OMA1: variants seen among roughly 807,000 people sequenced by gnomAD.
The protein encoded by OMA1 is OMA1 zinc metallopeptidase, also known as metalloendopeptidase OMA1, mitochondrial.
A neutral mutation model predicts 30.9 loss-of-function variants in OMA1; 38 were observed. That is an observed-to-expected ratio of 1.23 (90% CI 0.95 to 1.61). The LOEUF (loss-of-function observed/expected upper bound fraction) is 1.61. Among genes scored for constraint, OMA1 ranks in the 40% most tolerant of loss-of-function variants. The pLI, the probability that OMA1 is intolerant of heterozygous loss-of-function variation, is 0.00. For synonymous variants in OMA1, 173 were observed against 121.9 expected, an observed-to-expected ratio of 1.42 and a Z score of -2.76; for missense variants, 461 against 349.2, an observed-to-expected ratio of 1.32 and a Z score of -2.55.
chr1:58,506,962 T>C (rs1186459427), intron 7 of OMA1, among the ~76,000 whole-genome samples: 2 of 152,192 alleles, frequency 1.3e-5, no homozygotes, highest in East Asian at 1.9e-4. Context: ...TACACTCATA[T>C]ACATACTCAT....
intron 1 of OMA1, among the ~76,000 whole-genome samples, chr1:58,542,979 A>G (rs1166905506): frequency 2.5e-5 from 2 of 81,592 alleles, no homozygotes; most frequent in Non-Finnish European, 5.7e-5. Flanking sequence ...ACTACAAACA[A>G]AAAGCTTTTT....
intron 7 of OMA1, among the ~76,000 whole-genome samples, chr1:58,510,190 C>T (rs960406726): frequency 3.9e-5 from 6 of 152,046 alleles, no homozygotes; most frequent in East Asian, 1.9e-4. Context: ...AAAAAAATTA[C>T]GGGCCAATAT....
chr1:58,537,077 T>C (rs907974460), intron 2 of OMA1, among the ~76,000 whole-genome samples: 10 of 151,634 alleles, frequency 6.6e-5, no homozygotes, highest in African/African-American at 2.4e-4. Context: ...TCTCTCTCTC[T>C]CTCTCTCTGT....
chr1:58,510,218 A>T (rs527439129), intron 7 of OMA1, among the ~76,000 whole-genome samples: 89 of 152,194 alleles, frequency 5.8e-4, no homozygotes, highest in Non-Finnish European at 1.0e-3. Context: ...GAACATAAAT[A>T]CAAAAATTCT....
rs184730148 is a variant in OMA1 at position 58,519,741 on chromosome 1, T to A, written c.1215+7520A>T. On this transcript the variant is annotated intron_variant, in intron 7 of 8. Coordinates refer to ENST00000371226, the MANE Select transcript of OMA1 (RefSeq NM_145243.5). ...GAGATTAGAGTTAAGAAACATGAAT[T>A]TTTAAAAAAATATATGATTAACATA... Among the ~76,000 whole-genome samples, 870 of 152,040 alleles carry A rather than the reference T, an allele frequency of 5.7e-3. 5 individuals are homozygous for A. Among genetic ancestry groups the A allele is most frequent in the Non-Finnish European group, 8.5e-3 (581 of 67,974 alleles).
chr1:58,533,519 T>C (rs1646469020), intron 5 of OMA1, among the ~76,000 whole-genome samples: 1 of 152,196 alleles, frequency 6.6e-6, no homozygotes. Flanking sequence ...CACATCATTC[T>C]AGACATTTTC....
intron 7 of OMA1, among the ~76,000 whole-genome samples, chr1:58,522,902 G>A (rs1245842028): frequency 6.6e-6 from 1 of 152,216 alleles, no homozygotes; most frequent in East Asian, 1.9e-4. Context: ...AGAAGGAAGA[G>A]GAGAGTTGGT....
chr1:58,525,804 G>T (rs902196037), intron 7 of OMA1, among the ~76,000 whole-genome samples: 1 of 152,034 alleles, frequency 6.6e-6, no homozygotes, highest in Non-Finnish European at 1.5e-5. Context: ...GAAGCTTCAG[G>T]TATCAACACT....
rs574358182 is a variant in OMA1, at chr1:58,533,147, A to C, written c.1011+806T>G. 5.3e-5 allele frequency among the ~76,000 whole-genome samples: 8 copies of C among 152,328 alleles called. No homozygotes were observed. The South Asian group carries it at 1.7e-3, about 32-fold the overall frequency. On this transcript the variant is annotated intron_variant, in intron 5 of 8. Coordinates refer to ENST00000371226, the MANE Select transcript of OMA1 (RefSeq NM_145243.5). ...ACAATTTAAAAAATGTGTGAAACAGATGTGTTATTTTTCCTGGACTTATAT... is the reference window on the plus strand; with the variant it reads ...ACAATTTAAAAAATGTGTGAAACAGCTGTGTTATTTTTCCTGGACTTATAT...
chr1:58,517,812 A>C (rs1302918289), intron 7 of OMA1, among the ~76,000 whole-genome samples: 4 of 152,038 alleles, frequency 2.6e-5, no homozygotes, highest in Non-Finnish European at 4.4e-5. Context: ...GTCAATCCAA[A>C]GTAGGGGATT....
chr1:58,536,101 G>A (rs1034571319), intron 3 of OMA1, among the ~76,000 whole-genome samples: 1 of 152,098 alleles, frequency 6.6e-6, no homozygotes, highest in African/African-American at 2.4e-5. Context: ...TGAAGGAAAA[G>A]TACAGTATGC....
At chr1:58,536,972 T>G (rs1281966410) in intron 2 of OMA1, among the ~76,000 whole-genome samples, 1 of 152,122 alleles carries the variant, frequency 6.6e-6, no homozygotes, top group Non-Finnish European at 1.5e-5. Context: ...ATTTTCTTCT[T>G]CAGCTATTTT....
At chr1:58,493,905 T>C (rs1455164818) in intron 8 of OMA1, among the ~76,000 whole-genome samples, 2 of 149,640 alleles carry the variant, frequency 1.3e-5, no homozygotes. Context: ...TTCACAGAAT[T>C]GGAAAAAACT....
At chr1:58,504,547 A>T (rs1645956758) in intron 8 of OMA1, among the ~76,000 whole-genome samples, 1 of 152,156 alleles carries the variant, frequency 6.6e-6, no homozygotes, top group Non-Finnish European at 1.5e-5. Context: ...ATTGCTTGGC[A>T]TACTATATGT....
chr1:58,507,008 G>A (rs886653960), intron 7 of OMA1, among the ~76,000 whole-genome samples: 14 of 151,944 alleles, frequency 9.2e-5, no homozygotes, highest in African/African-American at 3.4e-4. Flanking sequence ...ACATATCTGA[G>A]AAGCTATTTA....
intron 1 of OMA1, among the ~76,000 whole-genome samples, chr1:58,542,681 T>C (rs561847166): frequency 2.0e-5 from 3 of 152,316 alleles, no homozygotes; most frequent in Non-Finnish European, 4.4e-5. Flanking sequence ...GCCCACTTTC[T>C]TTCCTTGACC....
intron 1 of OMA1, among the ~76,000 whole-genome samples, chr1:58,544,336 G>A (rs1646668373): frequency 6.6e-6 from 1 of 152,030 alleles, no homozygotes; most frequent in Non-Finnish European, 1.5e-5. Flanking sequence ...TAGAGATACT[G>A]CAGAGAACAA....
chr1:58,485,573 T>G (rs758567565), intron 8 of OMA1, among the ~76,000 whole-genome samples: 3 of 152,174 alleles, frequency 2.0e-5, no homozygotes, highest in Admixed American at 6.5e-5. Flanking sequence ...CATAGTAAGA[T>G]TCTATTGGAT....
At chr1:58,496,866 A>G (rs1645811577) in intron 8 of OMA1, among the ~76,000 whole-genome samples, 1 of 152,194 alleles carries the variant, frequency 6.6e-6, no homozygotes, top group Admixed American at 6.5e-5. Flanking sequence ...CACATTTCTC[A>G]GGTTGTTTGA....
Sources: allele counts gnomAD v4.1 joint callset (sites outside exome capture counted in the v4.1 genomes callset), GRCh38; gene constraint gnomAD v4.1.1; transcripts MANE v1.5; gene names NCBI Gene and HGNC (gene_info 2026-07-23, HGNC 2026-07-21).